The following LINGO2 variants were observed in gnomAD, a reference collection of about 807,000 sequenced individuals.
The protein encoded by LINGO2 is leucine-rich repeat and immunoglobulin-like domain-containing nogo receptor-interacting protein 2.
LINGO2 carries 14 observed loss-of-function variants against 30.6 expected under a neutral mutation model. The observed-to-expected ratio is 0.46, with a 90% CI of 0.30 to 0.72. The LOEUF (loss-of-function observed/expected upper bound fraction) is 0.72, where lower values mean the gene tolerates loss of function less well. Among genes scored for constraint, LINGO2 ranks in the 30% least tolerant of loss-of-function variants. LINGO2 has a pLI of 0.07. For synonymous variants in LINGO2, 317 were observed against 288.5 expected (o/e 1.10, Z -1.00); for missense variants, 729 against 751.7 (o/e 0.97, Z 0.35).
the LINGO2 span, among the ~76,000 whole-genome samples, chr9:29,211,473 G>A: frequency 6.6e-6 from 1 of 152,044 alleles, no homozygotes; most frequent in East Asian, 1.9e-4. Flanking sequence ...CCATTTCCCA[G>A]CACTCACTCC....
intron 1 of LINGO2, among the ~76,000 whole-genome samples, chr9:28,584,485 A>G (rs1205402435): frequency 1.3e-5 from 2 of 152,076 alleles, no homozygotes; most frequent in Admixed American, 6.6e-5. Flanking sequence ...GCACATTAAA[A>G]GAAGAGCGGT....
intron 3 of LINGO2, among the ~76,000 whole-genome samples, chr9:28,338,782 G>T (rs1281842566): frequency 2.0e-5 from 3 of 152,006 alleles, no homozygotes; most frequent in Non-Finnish European, 2.9e-5. Context: ...CACCATGATT[G>T]TAAGTTTCCT....
the LINGO2 span, among the ~76,000 whole-genome samples, chr9:28,907,613 G>A: frequency 6.6e-6 from 1 of 151,702 alleles, no homozygotes; most frequent in Admixed American, 6.6e-5. Flanking sequence ...TATACAAGAT[G>A]TATGATAGCA....
At chr9:28,150,018 C>T (rs1184828325) in intron 4 of LINGO2, among the ~76,000 whole-genome samples, 1 of 151,152 alleles carries the variant, frequency 6.6e-6, no homozygotes, top group Non-Finnish European at 1.5e-5. Flanking sequence ...GTGAGGAGTG[C>T]CTCTGCCCGG....
At chr9:28,577,666 T>C (rs1824057409) in intron 1 of LINGO2, among the ~76,000 whole-genome samples, 1 of 152,076 alleles carries the variant, frequency 6.6e-6, no homozygotes, top group Non-Finnish European at 1.5e-5. Flanking sequence ...AACTTTTGGG[T>C]GGTTATATTT....
chr9:28,621,299 T>C (rs1826379188), intron 1 of LINGO2, among the ~76,000 whole-genome samples: 1 of 151,844 alleles, frequency 6.6e-6, no homozygotes, highest in Non-Finnish European at 1.5e-5. Flanking sequence ...AATTTTGAGG[T>C]ATAATTAAGT....
At chr9:28,040,279 A>G (rs1222120763) in intron 4 of LINGO2, among the ~76,000 whole-genome samples, 4 of 152,196 alleles carry the variant, frequency 2.6e-5, no homozygotes, top group Non-Finnish European at 1.5e-5. Context: ...TATCTTGAAC[A>G]ATGAGGCTCA....
At chr9:28,851,283 C>A in the LINGO2 span, among the ~76,000 whole-genome samples, 1 of 152,032 alleles carries the variant, frequency 6.6e-6, no homozygotes. Context: ...TGCTTCCATT[C>A]AAGCTTCTAC....
Position 28,297,302 on chromosome 9 carries a change from T to C in LINGO2, c.-245-1936A>G, listed in dbSNP as rs1052687694. 3.9e-5 allele frequency among the ~76,000 whole-genome samples: 6 copies of C among 152,206 alleles called. 1 individual carries two copies. The highest frequency in any genetic ancestry group is 1.4e-4 in the African/African-American group (6 of 41,466). On this transcript the variant is annotated intron_variant, in intron 3 of 5. Transcript: ENST00000379992. ...GATCCCTCCTCAGAAGGGGTAAGTT[T>C]TGTGTATTTTCTTTTCAGCAGTGAT...
At chr9:28,812,569 A>G in the LINGO2 span, among the ~76,000 whole-genome samples, 1 of 152,184 alleles carries the variant, frequency 6.6e-6, no homozygotes, top group African/African-American at 2.4e-5. Flanking sequence ...TAAATGTCCT[A>G]GCTACATGCA....
At chr9:28,573,864 T>C (rs1823825305) in intron 1 of LINGO2, among the ~76,000 whole-genome samples, 1 of 152,116 alleles carries the variant, frequency 6.6e-6, no homozygotes, top group Non-Finnish European at 1.5e-5. Flanking sequence ...GTTAAAATAT[T>C]GCATAAACAA....
chr9:28,963,055 G>A, the LINGO2 span, among the ~76,000 whole-genome samples: 1 of 151,890 alleles, frequency 6.6e-6, no homozygotes, highest in African/African-American at 2.4e-5. Context: ...GCATTTAAGT[G>A]TTTAGCGCTG....
At chr9:28,663,205 C>G (rs1469376777) in intron 1 of LINGO2, among the ~76,000 whole-genome samples, 1 of 152,050 alleles carries the variant, frequency 6.6e-6, no homozygotes, top group Non-Finnish European at 1.5e-5. Context: ...GAGTCTCACT[C>G]TGTTGCCCAG....
At chr9:28,886,264 T>C in the LINGO2 span, among the ~76,000 whole-genome samples, 1 of 152,096 alleles carries the variant, frequency 6.6e-6, no homozygotes, top group Non-Finnish European at 1.5e-5. Context: ...AAAGACATTA[T>C]TGGCTAACAT....
At chr9:28,222,953 T>G (rs1821018397) in intron 4 of LINGO2, among the ~76,000 whole-genome samples, 1 of 152,088 alleles carries the variant, frequency 6.6e-6, no homozygotes, top group African/African-American at 2.4e-5. Flanking sequence ...AATGAAATCA[T>G]TATATATTTC....
the LINGO2 span, among the ~76,000 whole-genome samples, chr9:28,909,121 C>A: frequency 8.8e-4 from 134 of 152,004 alleles, no homozygotes; most frequent in African/African-American, 3.1e-3. Flanking sequence ...TGAATTTTAT[C>A]ATTTCAAAGA....
At chr9:29,197,554 G>C in the LINGO2 span, among the ~76,000 whole-genome samples, 1 of 151,946 alleles carries the variant, frequency 6.6e-6, no homozygotes, top group South Asian at 2.1e-4. Flanking sequence ...CCTTATTTGA[G>C]GTGTGTTTGC....
chr9:28,850,168 G>A, the LINGO2 span, among the ~76,000 whole-genome samples: 1 of 151,808 alleles, frequency 6.6e-6, no homozygotes. Context: ...CACATTACAT[G>A]AGCCACTCTT....
intron 1 of LINGO2, among the ~76,000 whole-genome samples, chr9:28,574,836 G>C (rs1439305381): frequency 1.3e-5 from 2 of 152,018 alleles, no homozygotes; most frequent in Non-Finnish European, 2.9e-5. Context: ...TCAACATTCT[G>C]GGCTTCTCAC....
Sources: gnomAD v4.1 joint callset for allele counts (sites outside exome capture counted in the v4.1 genomes callset) on GRCh38, gnomAD v4.1.1 for gene constraint, MANE v1.5 for transcripts, NCBI Gene and HGNC (gene_info 2026-07-23, HGNC 2026-07-21) for gene names.